The following FRYL variants were observed in gnomAD, a reference collection of about 807,000 sequenced individuals.
FRYL encodes protein furry homolog-like.
In FRYL, 150 loss-of-function variants were observed where a neutral mutation model predicts 351.2. The ratio of observed to expected loss-of-function variants is 0.43; its 90% CI spans 0.37 to 0.49. The LOEUF (loss-of-function observed/expected upper bound fraction) is 0.49. Ranked by LOEUF, FRYL falls within the 20% of genes least tolerant of loss-of-function variation. The pLI, the probability that FRYL is intolerant of heterozygous loss-of-function variation, is 0.00. For missense variants in FRYL, 3,036 were observed against 3,619.3 expected (o/e 0.84, Z 4.13); for synonymous variants, 1,153 against 1,257.1 (o/e 0.92, Z 1.75).
At chr4:48,563,525 C>A (rs181367428) in intron 31 of FRYL, among the ~76,000 whole-genome samples, 3 of 152,050 alleles carry the variant, frequency 2.0e-5, no homozygotes, top group Admixed American at 1.3e-4. Flanking sequence ...GGGCAACATA[C>A]GTAGTGAGAC....
At chr4:48,520,917 A>T (rs1724771526) in intron 55 of FRYL, 131 bp downstream of exon 55, 1 of 581,922 alleles carries the variant, frequency 1.7e-6, no homozygotes. Flanking sequence ...ATTTCATTTA[A>T]AATAACTCAA....
chr4:48,605,871 G>C (rs771949747), intron 10 of FRYL, 38 bp from the exon 11 acceptor site: 5 of 1,206,146 alleles, frequency 4.1e-6, no homozygotes, highest in African/African-American at 1.6e-5. Context: ...ATTAACAAAA[G>C]AGGAAAGGTT....
At chr4:48,748,711 A>G (rs531322298) in intron 1 of FRYL, among the ~76,000 whole-genome samples, 2 of 152,374 alleles carry the variant, frequency 1.3e-5, no homozygotes, top group Admixed American at 1.3e-4. Context: ...ATCAATGAAC[A>G]AAACAGATGC....
At chr4:48,573,023 T>C (rs1738693355) in intron 26 of FRYL, among the ~76,000 whole-genome samples, 163 bp downstream of exon 26, 1 of 152,200 alleles carries the variant, frequency 6.6e-6, no homozygotes, top group African/African-American at 2.4e-5. Context: ...CCGTTTTACA[T>C]AATGGGTTTC....
At chr4:48,703,666 A>G (rs1434344302) in intron 2 of FRYL, among the ~76,000 whole-genome samples, 3 of 152,184 alleles carry the variant, frequency 2.0e-5, no homozygotes, top group Non-Finnish European at 4.4e-5. Flanking sequence ...CAAAGAGGCA[A>G]CTCACAACCT....
intron 4 of FRYL, among the ~76,000 whole-genome samples, chr4:48,628,345 A>C (rs908861366): frequency 1.3e-5 from 2 of 152,118 alleles, no homozygotes; most frequent in Non-Finnish European, 2.9e-5. Flanking sequence ...TGGCTGATAC[A>C]TAATAATCTC....
rs1417333145 is a variant in FRYL at position 48,551,544 on chromosome 4, G to A, written c.4470C>T (p.Pro1490=). Residue 1490 remains proline (P), a synonymous_variant, in exon 37 of 64, where the codon CCC becomes CCT. Transcript: ENST00000358350. The stretch of plus-strand genomic sequence containing the variant: ...GCTTATTATCAGGATTGCCATCTGT[G>A]GGAGCTACCATTGTATTGCTACTGG... ...TTSSSNTMVA[P]TDGNPDNKPI... The A allele has an allele frequency of 6.2e-7, 1 of 1,611,516 alleles. No individual in the cohort carries two copies. The highest frequency in any genetic ancestry group is 1.7e-5 in the Admixed American group (1 of 59,972).
At chr4:48,614,744 G>C (rs1226281149) in intron 7 of FRYL, among the ~76,000 whole-genome samples, 3 of 68,012 alleles carry the variant, frequency 4.4e-5, no homozygotes, top group Non-Finnish European at 9.2e-5. Context: ...AAAAAAAAAA[G>C]AGAAACTATA....
At chr4:48,552,246 TGTGTGTG>T in intron 36 of FRYL, among the ~76,000 whole-genome samples, 1 of 33,460 alleles carries the variant, frequency 3.0e-5, no homozygotes, top group Non-Finnish European at 6.3e-5. Flanking sequence ...TCCAAAGGGG[TGTGTGTG>T]TGTGTGTGTG....
At chr4:48,566,837 G>C (rs1466239753) in intron 28 of FRYL, among the ~76,000 whole-genome samples, 1 of 152,112 alleles carries the variant, frequency 6.6e-6, no homozygotes, top group Non-Finnish European at 1.5e-5. Context: ...AACATATCTG[G>C]TAAATCAGTA....
intron 2 of FRYL, among the ~76,000 whole-genome samples, chr4:48,705,267 TTATACCACTATAA>T (rs898282781): frequency 9.2e-5 from 14 of 151,880 alleles, no homozygotes; most frequent in Non-Finnish European, 1.8e-4. Context: ...TAATGGTATA[TTATACCACTATAA>T]TATACCATTA....
At position 48,544,924 on chromosome 4, in the gene FRYL, G is replaced by A. The variant is rs568042311; in HGVS notation, c.5280-20C>T. On this transcript the variant is annotated intron_variant, in intron 42 of 63. Coordinates refer to ENST00000358350, the MANE Select transcript of FRYL (RefSeq NM_015030.2). ...CTTTTTCTGAAAACAGAGAACAGAT[G>A]TAATTTCCTTGGATTTTCACTTGTG... 7 of 1,581,798 alleles carry A rather than the reference G, an allele frequency of 4.4e-6. No homozygotes were observed. In the South Asian group the frequency reaches 4.7e-5, roughly 11 times the overall value.
intron 56 of FRYL, among the ~76,000 whole-genome samples, chr4:48,514,790 C>T (rs570961868): frequency 1.3e-4 from 20 of 152,258 alleles, no homozygotes; most frequent in African/African-American, 4.6e-4. Flanking sequence ...TTGAAAATAG[C>T]CTAATTGTTT....
intron 59 of FRYL, among the ~76,000 whole-genome samples, chr4:48,508,850 C>G (rs750369192): frequency 3.9e-5 from 6 of 152,162 alleles, no homozygotes; most frequent in Non-Finnish European, 8.8e-5. Flanking sequence ...AAGACCACTT[C>G]AGGACTAGTC....
chr4:48,561,646 T>C lies in FRYL; in HGVS notation c.3697-10A>G, dbSNP rs774095536. On this transcript the variant is annotated splice_polypyrimidine_tract_variant and intron_variant, in intron 32 of 63. Coordinates refer to ENST00000358350, the MANE Select transcript of FRYL (RefSeq NM_015030.2). ...TCTTCGGTTCCAGAATCTATAGGAATGTGATTCCATCAACTTAGGTTAAGA... is the reference window on the plus strand; with the variant it reads ...TCTTCGGTTCCAGAATCTATAGGAACGTGATTCCATCAACTTAGGTTAAGA... The C allele has an allele frequency of 1.3e-6, 2 of 1,592,668 alleles. No homozygotes were observed. The highest frequency in any genetic ancestry group is 1.2e-5 in the South Asian group (1 of 86,912).
intron 3 of FRYL, among the ~76,000 whole-genome samples, chr4:48,679,157 AT>A (rs1043713951): frequency 1.3e-5 from 2 of 152,096 alleles, no homozygotes; most frequent in African/African-American, 4.8e-5. Flanking sequence ...GCTGATTTAT[AT>A]TTTTTTAATT....
intron 60 of FRYL, among the ~76,000 whole-genome samples, chr4:48,504,609 G>T (rs1201534632): frequency 1.3e-5 from 2 of 152,028 alleles, no homozygotes; most frequent in Non-Finnish European, 2.9e-5. Context: ...GCAGGATTTG[G>T]AGTCAGCCTG....
intron 33 of FRYL, among the ~76,000 whole-genome samples, chr4:48,558,698 A>T (rs766941367): frequency 1.3e-5 from 2 of 152,236 alleles, no homozygotes; most frequent in Non-Finnish European, 2.9e-5. Context: ...TTTTGGTTCT[A>T]TATAGGGGAG....
intron 13 of FRYL, among the ~76,000 whole-genome samples, chr4:48,598,024 A>C (rs1744955085): frequency 6.6e-6 from 1 of 152,230 alleles, no homozygotes; most frequent in Admixed American, 6.5e-5. Context: ...TGTCAGTCAA[A>C]TATAGTCTTT....
Sources: allele counts gnomAD v4.1 joint callset (sites outside exome capture counted in the v4.1 genomes callset), GRCh38; gene constraint gnomAD v4.1.1; transcripts MANE v1.5; gene names NCBI Gene and HGNC (gene_info 2026-07-23, HGNC 2026-07-21).